OLFM3: variants seen among roughly 807,000 people sequenced by gnomAD.
OLFM3 encodes the protein noelin-3.
In OLFM3, 20 loss-of-function variants were observed where a neutral mutation model predicts 48.6. That is an observed-to-expected ratio of 0.41 (90% CI 0.29 to 0.60). The LOEUF (loss-of-function observed/expected upper bound fraction) is 0.60, where lower values mean the gene tolerates loss of function less well. Ranked by LOEUF, OLFM3 falls within the 20% of genes least tolerant of loss-of-function variation. The probability of loss-of-function intolerance (pLI) is 0.28; values close to 1 mark genes in which losing one functional copy is unlikely to be tolerated. For synonymous variants in OLFM3, 222 were observed against 198.1 expected (o/e 1.12, Z -1.01); for missense variants, 437 against 544.3 (o/e 0.80, Z 1.96).
intron 1 of OLFM3, among the ~76,000 whole-genome samples, chr1:101,862,646 C>T (rs1656701790): frequency 6.6e-6 from 1 of 152,182 alleles, no homozygotes; most frequent in Non-Finnish European, 1.5e-5. Context: ...GCACAATCAC[C>T]TGTTGCCTTT....
chr1:101,938,717 A>G (rs530567171), intron 1 of OLFM3, among the ~76,000 whole-genome samples: 1 of 152,296 alleles, frequency 6.6e-6, no homozygotes, highest in African/African-American at 2.4e-5. Flanking sequence ...GGCACATACT[A>G]GAGGGATCTG....
At chr1:101,891,253 A>G (rs1657983487) in intron 1 of OLFM3, among the ~76,000 whole-genome samples, 1 of 151,970 alleles carries the variant, frequency 6.6e-6, no homozygotes, top group Admixed American at 6.6e-5. Context: ...AACTTAGTAT[A>G]AAAAATAAAC....
intron 1 of OLFM3, among the ~76,000 whole-genome samples, chr1:101,981,751 T>C (rs1044548363): frequency 5.9e-5 from 9 of 152,252 alleles, no homozygotes; most frequent in African/African-American, 2.2e-4. Context: ...TGGGAAAATT[T>C]TGGGAATTAT....
Position 101,847,947 on chromosome 1 carries a change from G to GT in OLFM3, c.70-10923dup, listed in dbSNP as rs540053613. 1.4e-3 allele frequency among the ~76,000 whole-genome samples: 210 copies of GT among 152,192 alleles called. 2 individuals carry two copies. Among genetic ancestry groups the GT allele is most frequent in the Non-Finnish European group, 2.2e-3 (147 of 67,998 alleles). ...CCGGTGACAAGATTCCTTGGCTTCA[G>GT]TTTTTTCTACAATATAAGGATGTTG... On this transcript the variant is annotated intron_variant, in intron 1 of 5. Coordinates refer to ENST00000370103, the MANE Select transcript of OLFM3 (RefSeq NM_058170.4).
intron 2 of OLFM3, among the ~76,000 whole-genome samples, chr1:101,836,001 G>C (rs574427547): frequency 2.7e-3 from 413 of 152,108 alleles, no homozygotes; most frequent in South Asian, 1.0e-2. Flanking sequence ...TTCATTTTTT[G>C]TTAAAAAGTT....
At chr1:101,987,440 G>A (rs1350497704) in intron 1 of OLFM3, among the ~76,000 whole-genome samples, 1 of 152,094 alleles carries the variant, frequency 6.6e-6, no homozygotes, top group Non-Finnish European at 1.5e-5. Context: ...AGAGAGTCTT[G>A]AGCCAAATAA....
At chr1:101,948,452 TGAGAGAGA>T (rs141817550) in intron 1 of OLFM3, among the ~76,000 whole-genome samples, 1 of 149,894 alleles carries the variant, frequency 6.7e-6, no homozygotes, top group Non-Finnish European at 1.5e-5. Context: ...AAGACTTGTA[TGAGAGAGA>T]GAGAGAGAGA....
chr1:101,830,032 G>A (rs1655071568), intron 3 of OLFM3, among the ~76,000 whole-genome samples: 1 of 151,868 alleles, frequency 6.6e-6, no homozygotes. Context: ...TAGAGACGGG[G>A]TTTCACCTGT....
intron 1 of OLFM3, among the ~76,000 whole-genome samples, chr1:101,910,773 T>C (rs966727694): frequency 6.6e-6 from 1 of 152,178 alleles, no homozygotes; most frequent in African/African-American, 2.4e-5. Flanking sequence ...AATGAAGAAT[T>C]AGTACTTTAA....
At chr1:101,987,480 T>C (rs1661277699) in intron 1 of OLFM3, among the ~76,000 whole-genome samples, 1 of 152,180 alleles carries the variant, frequency 6.6e-6, no homozygotes, top group African/African-American at 2.4e-5. Context: ...TACAGTGATA[T>C]GTATGAAGAT....
At chr1:101,917,369 T>C (rs1418987118) in intron 1 of OLFM3, among the ~76,000 whole-genome samples, 1 of 152,190 alleles carries the variant, frequency 6.6e-6, no homozygotes, top group Non-Finnish European at 1.5e-5. Context: ...GTGTTTCTTT[T>C]TGTAAACACT....
At chr1:101,857,598 C>A (rs537468588) in intron 1 of OLFM3, among the ~76,000 whole-genome samples, 31 of 151,854 alleles carry the variant, frequency 2.0e-4, no homozygotes, top group Middle Eastern at 3.4e-3. Flanking sequence ...TCCTTTCCCC[C>A]CTCTCCTTTC....
At chr1:101,907,017 A>C (rs1476296602) in intron 1 of OLFM3, among the ~76,000 whole-genome samples, 1 of 152,226 alleles carries the variant, frequency 6.6e-6, no homozygotes, top group African/African-American at 2.4e-5. Flanking sequence ...TTTTGAAATT[A>C]AAATGTTTAA....
chr1:101,933,961 G>A (rs1380733582), intron 1 of OLFM3, among the ~76,000 whole-genome samples: 2 of 152,196 alleles, frequency 1.3e-5, no homozygotes, highest in African/African-American at 4.8e-5. Flanking sequence ...AGGTCCTTAA[G>A]GGAGTATTTA....
At chr1:101,916,215 A>C (rs1192479252) in intron 1 of OLFM3, among the ~76,000 whole-genome samples, 1 of 152,140 alleles carries the variant, frequency 6.6e-6, no homozygotes, top group African/African-American at 2.4e-5. Context: ...CCTATCTTTA[A>C]AAGTTCAAAC....
chr1:101,937,384 C>G (rs1451421930), intron 1 of OLFM3, among the ~76,000 whole-genome samples: 1 of 152,168 alleles, frequency 6.6e-6, no homozygotes, highest in East Asian at 1.9e-4. Flanking sequence ...TGCTCCAACC[C>G]AGATGACATG....
intron 3 of OLFM3, among the ~76,000 whole-genome samples, chr1:101,830,117 C>G (rs544311435): frequency 1.3e-5 from 2 of 152,080 alleles, no homozygotes; most frequent in Non-Finnish European, 2.9e-5. Context: ...GGATTACAGG[C>G]GTGAGCCACC....
At chr1:101,914,233 G>A (rs1259414619) in intron 1 of OLFM3, among the ~76,000 whole-genome samples, 2 of 152,098 alleles carry the variant, frequency 1.3e-5, no homozygotes, top group East Asian at 3.9e-4. Flanking sequence ...AGGCATTCTG[G>A]ATCCTTCTGG....
intron 1 of OLFM3, among the ~76,000 whole-genome samples, chr1:101,843,543 C>T (rs889837955): frequency 1.3e-5 from 2 of 152,120 alleles, no homozygotes; most frequent in African/African-American, 2.4e-5. Context: ...AGAAAGAAAA[C>T]AGGGCCAACA....
Sources: gnomAD v4.1 joint callset for allele counts (sites outside exome capture counted in the v4.1 genomes callset) on GRCh38, gnomAD v4.1.1 for gene constraint, MANE v1.5 for transcripts, NCBI Gene and HGNC (gene_info 2026-07-23, HGNC 2026-07-21) for gene names.